WDR7: variants seen among roughly 807,000 people sequenced by gnomAD.
WDR7 encodes the protein WD repeat-containing protein 7.
In WDR7, 46 loss-of-function variants were observed where a neutral mutation model predicts 169.4. That is an observed-to-expected ratio of 0.27 (90% CI 0.21 to 0.35). The LOEUF (loss-of-function observed/expected upper bound fraction) is 0.35. Among genes scored for constraint, WDR7 ranks in the 10% least tolerant of loss-of-function variants. The probability of loss-of-function intolerance (pLI) is 1.00; values close to 1 mark genes in which losing one functional copy is unlikely to be tolerated. For synonymous variants in WDR7, 612 were observed against 666.8 expected (o/e 0.92, Z 1.27); for missense variants, 1,534 against 1,859.3 (o/e 0.83, Z 3.22).
At chr18:56,962,388 G>T in intron 25 of WDR7, 42 bp from the exon 26 acceptor site, 1 of 1,579,808 alleles carries the variant, frequency 6.3e-7, no homozygotes, top group Non-Finnish European at 8.7e-7. Context: ...CATCTCACCT[G>T]GCTTCTTGTT....
chr18:56,688,562 A>C (rs994398784), intron 7 of WDR7, among the ~76,000 whole-genome samples: 9 of 1,304 alleles, frequency 6.9e-3, no homozygotes, highest in African/African-American at 7.7e-3. Flanking sequence ...CTAAAAATAC[A>C]AAAAAAAAAA....
At chr18:56,984,393 T>G (rs2047685343) in intron 26 of WDR7, among the ~76,000 whole-genome samples, 1 of 152,202 alleles carries the variant, frequency 6.6e-6, no homozygotes, top group Non-Finnish European at 1.5e-5. Context: ...GTTATGTTCC[T>G]TTTTTGGAAA....
intron 2 of WDR7, among the ~76,000 whole-genome samples, chr18:56,674,070 C>A (rs2025191769): frequency 6.6e-6 from 1 of 152,114 alleles, no homozygotes; most frequent in Non-Finnish European, 1.5e-5. Flanking sequence ...ATGAGTAATG[C>A]TGCTATGAGT....
rs139832773 is a variant in WDR7 at position 56,734,749 on chromosome 18, A to G, written c.1989+3152A>G. Among the ~76,000 whole-genome samples, 54 of 151,914 alleles carry G rather than the reference A, an allele frequency of 3.6e-4. No homozygotes were observed. The East Asian group carries it at 9.1e-3, about 26-fold the overall frequency. ...TTTCCCAAAACACTTTTCCCTTTGT[A>G]TGGGGTATTTTTTGTTCTTTATATT... On this transcript the variant is annotated intron_variant, in intron 14 of 27. Transcript: ENST00000254442.
Position 56,866,709 on chromosome 18 carries a change from C to T in WDR7, c.3305-13235C>T, listed in dbSNP as rs377334272. On this transcript the variant is annotated intron_variant, in intron 20 of 27. Coordinates refer to ENST00000254442, the MANE Select transcript of WDR7 (RefSeq NM_015285.3). ...TTCAGCTCTTATATGGCAAAATATTCGTGACACTGACACTGGTGATTTTAT... is the reference window on the plus strand; with the variant it reads ...TTCAGCTCTTATATGGCAAAATATTTGTGACACTGACACTGGTGATTTTAT... 5.3e-5 allele frequency among the ~76,000 whole-genome samples: 8 copies of T among 152,118 alleles called. No individual in the cohort carries two copies. In the East Asian group the frequency reaches 1.5e-3, roughly 29 times the overall value.
intron 13 of WDR7, 132 bp downstream of exon 13, chr18:56,718,291 T>C: frequency 1.0e-6 from 1 of 961,404 alleles, no homozygotes; most frequent in Non-Finnish European, 1.5e-6. Flanking sequence ...TTTCTAATTG[T>C]TTAAGTGGCC....
intron 26 of WDR7, among the ~76,000 whole-genome samples, chr18:56,971,453 A>G (rs2047484698): frequency 1.3e-5 from 2 of 152,182 alleles, no homozygotes; most frequent in Non-Finnish European, 2.9e-5. Context: ...TATAGGCAAG[A>G]GATCAAAAAG....
At chr18:56,879,844 G>T (rs961859527) in intron 20 of WDR7, 100 bp from the exon 21 acceptor site, 14 of 901,152 alleles carry the variant, frequency 1.6e-5, no homozygotes, top group Admixed American at 2.4e-5. Flanking sequence ...TGCTGAAAAT[G>T]CTATTCTTTC....
intron 22 of WDR7, among the ~76,000 whole-genome samples, chr18:56,926,486 G>A (rs1372561392): frequency 6.6e-6 from 1 of 152,094 alleles, no homozygotes; most frequent in Non-Finnish European, 1.5e-5. Flanking sequence ...AGAAGTGAAG[G>A]GCTTTTATTC....
intron 20 of WDR7, among the ~76,000 whole-genome samples, chr18:56,824,511 A>G (rs1428165784): frequency 6.6e-6 from 1 of 152,200 alleles, no homozygotes; most frequent in Non-Finnish European, 1.5e-5. Flanking sequence ...GGTTACTCAT[A>G]TTTCAAGCAG....
At chr18:56,749,038 T>A (rs1414921994) in intron 14 of WDR7, among the ~76,000 whole-genome samples, 1 of 152,030 alleles carries the variant, frequency 6.6e-6, no homozygotes, top group Non-Finnish European at 1.5e-5. Context: ...GATGATGAGG[T>A]TTTTCCCTTA....
In WDR7 at chr18:56,672,611, C is replaced by T; in HGVS notation, c.96C>T (p.Ala32=). ...ISAVLLTDDG[A]TIVTGCHDGQ... ...CCGTACTTTTAACAGATGATGGGGC[C>T]ACGATCGTAACAGGATGTCACGACG... is the stretch of plus-strand genomic sequence containing the variant. The change falls in exon 2 of 28, where the codon GCC becomes GCT. Residue 32 remains alanine, a synonymous_variant. Transcript: ENST00000254442. The T allele has an allele frequency of 1.2e-6, 2 of 1,613,228 alleles. No homozygotes were observed. The highest frequency in any genetic ancestry group is 1.7e-6 in the Non-Finnish European group (2 of 1,179,586).
At chr18:56,862,405 A>T (rs2045819691) in intron 20 of WDR7, among the ~76,000 whole-genome samples, 1 of 151,394 alleles carries the variant, frequency 6.6e-6, no homozygotes, top group Non-Finnish European at 1.5e-5. Flanking sequence ...TATTTATCTT[A>T]ATTTTATACA....
intron 19 of WDR7, among the ~76,000 whole-genome samples, chr18:56,797,083 G>A (rs547800015): frequency 6.6e-6 from 1 of 152,248 alleles, no homozygotes; most frequent in Admixed American, 6.5e-5. Flanking sequence ...TGTGAGCCAG[G>A]TGCATCAGCT....
chr18:56,763,578 G>A (rs2044015175), intron 16 of WDR7, among the ~76,000 whole-genome samples: 1 of 152,152 alleles, frequency 6.6e-6, no homozygotes. Flanking sequence ...CCTTTGTCCA[G>A]TTTTGCTGAT....
At chr18:56,761,903 A>G (rs917822765) in intron 16 of WDR7, among the ~76,000 whole-genome samples, 7 of 152,034 alleles carry the variant, frequency 4.6e-5, no homozygotes, top group African/African-American at 1.7e-4. Context: ...ATTCCTTTGA[A>G]TGTCAGGGTA....
chr18:56,666,201 C>CTTTTTTTTTTTTTTTTTTT (rs71169386), intron 1 of WDR7, among the ~76,000 whole-genome samples: 1 of 100,978 alleles, frequency 9.9e-6, no homozygotes, highest in South Asian at 3.9e-4. Context: ...ATTCCTTCGT[C>CTTTTTTTTTTTTTTTTTTT]TTTTTTTTTT....
intron 21 of WDR7, among the ~76,000 whole-genome samples, chr18:56,888,514 C>T (rs1293686384): frequency 6.6e-6 from 1 of 152,232 alleles, no homozygotes; most frequent in African/African-American, 2.4e-5. Context: ...CCTTCATCAC[C>T]TTCCGATTTT....
At chr18:56,770,487 A>G (rs2044137347) in intron 16 of WDR7, among the ~76,000 whole-genome samples, 1 of 152,242 alleles carries the variant, frequency 6.6e-6, no homozygotes, top group Admixed American at 6.5e-5. Context: ...TTTGGACGTT[A>G]GTAATGAGGG....
Sources: gnomAD v4.1 joint callset for allele counts (sites outside exome capture counted in the v4.1 genomes callset) on GRCh38, gnomAD v4.1.1 for gene constraint, MANE v1.5 for transcripts, NCBI Gene and HGNC (gene_info 2026-07-23, HGNC 2026-07-21) for gene names.